The following USH2A variants were observed in gnomAD, a reference collection of about 807,000 sequenced individuals.
The protein encoded by USH2A is Usher syndrome 2A (autosomal recessive, mild).
Under a neutral mutation model 538.9 loss-of-function variants are expected in USH2A, and 443 were observed. The ratio of observed to expected loss-of-function variants is 0.82; its 90% CI spans 0.76 to 0.89. The LOEUF (loss-of-function observed/expected upper bound fraction) is 0.89, where lower values mean the gene tolerates loss of function less well. USH2A is among the 40% of genes least tolerant of loss of function. The pLI, the probability that USH2A is intolerant of heterozygous loss-of-function variation, is 0.00. For missense variants in USH2A, 6,633 were observed against 6,324.8 expected (o/e 1.05, Z -1.65); for synonymous variants, 2,413 against 2,273.5 (o/e 1.06, Z -1.75).
intron 4 of USH2A, among the ~76,000 whole-genome samples, chr1:216,337,501 A>G (rs1233848596): frequency 6.6e-6 from 1 of 151,454 alleles, no homozygotes; most frequent in Non-Finnish European, 1.5e-5. Context: ...TACATAATAT[A>G]CAAGTAGAAA....
At chr1:216,131,553 T>C (rs1010710306) in intron 21 of USH2A, among the ~76,000 whole-genome samples, 2 of 152,082 alleles carry the variant, frequency 1.3e-5, no homozygotes, top group African/African-American at 4.8e-5. Flanking sequence ...CTATATTCTT[T>C]CTGAAGTCAT....
intron 21 of USH2A, among the ~76,000 whole-genome samples, chr1:216,168,891 A>C (rs970088947): frequency 2.6e-5 from 4 of 151,996 alleles, no homozygotes; most frequent in Non-Finnish European, 4.4e-5. Context: ...TGTCCGACCC[A>C]ACCAATCAGC....
intron 71 of USH2A, among the ~76,000 whole-genome samples, chr1:215,627,794 CT>C (rs1457526347): frequency 1.3e-5 from 2 of 152,168 alleles, no homozygotes; most frequent in Non-Finnish European, 2.9e-5. Flanking sequence ...TCCCAAAATG[CT>C]GGGATTACAG....
At chr1:216,285,475 G>A (rs2036863608) in intron 11 of USH2A, among the ~76,000 whole-genome samples, 1 of 152,222 alleles carries the variant, frequency 6.6e-6, no homozygotes, top group African/African-American at 2.4e-5. Flanking sequence ...GGCAGAGGAT[G>A]TGCTGCAGGG....
chr1:216,188,936 T>G (rs1483790688), intron 20 of USH2A, among the ~76,000 whole-genome samples: 5 of 151,896 alleles, frequency 3.3e-5, no homozygotes, highest in Non-Finnish European at 5.9e-5. Flanking sequence ...TATTTTAATT[T>G]TTGTCTTCTA....
intron 37 of USH2A, among the ~76,000 whole-genome samples, chr1:215,946,857 C>G (rs879733788): frequency 3.9e-5 from 6 of 152,124 alleles, no homozygotes; most frequent in Admixed American, 3.9e-4. Context: ...CAACTGAAAA[C>G]TTATGACATC....
At chr1:216,065,880 GA>G (rs1238529001) in intron 30 of USH2A, among the ~76,000 whole-genome samples, 5 of 152,040 alleles carry the variant, frequency 3.3e-5, no homozygotes, top group African/African-American at 1.2e-4. Flanking sequence ...CTGGGTGACA[GA>G]GTGAGACCCT....
At chr1:215,902,165 G>A (rs549702348) in intron 38 of USH2A, among the ~76,000 whole-genome samples, 9 of 152,234 alleles carry the variant, frequency 5.9e-5, no homozygotes, top group African/African-American at 2.2e-4. Flanking sequence ...GAGGCCATTG[G>A]TGAAGAAGGA....
intron 13 of USH2A, among the ~76,000 whole-genome samples, chr1:216,235,865 A>T (rs1194890122): frequency 6.6e-6 from 1 of 152,204 alleles, no homozygotes; most frequent in South Asian, 2.1e-4. Flanking sequence ...TGGACATAAT[A>T]GTTACACAAG....
chr1:215,828,740 C>A (rs1240587082), intron 47 of USH2A, among the ~76,000 whole-genome samples: 1 of 152,166 alleles, frequency 6.6e-6, no homozygotes, highest in Non-Finnish European at 1.5e-5. Flanking sequence ...GATCTGAGTT[C>A]TTTCTCTACT....
chr1:215,691,111 T>C (rs900491119), intron 61 of USH2A, among the ~76,000 whole-genome samples: 1 of 152,170 alleles, frequency 6.6e-6, no homozygotes, highest in African/African-American at 2.4e-5. Context: ...CTCGAACTCC[T>C]GACCTTGTGA....
chr1:216,015,858 A>G (rs1320797015), intron 32 of USH2A, among the ~76,000 whole-genome samples: 1 of 152,176 alleles, frequency 6.6e-6, no homozygotes, highest in Non-Finnish European at 1.5e-5. Flanking sequence ...TACCCAAAGG[A>G]TTATAAATCA....
chr1:215,640,661 G>T lies in USH2A; in HGVS notation c.14865C>A (p.Phe4955Leu). The T allele has an allele frequency of 6.2e-7, 1 of 1,613,970 alleles. No individual in the cohort carries two copies. Among genetic ancestry groups the T allele is most frequent in the Non-Finnish European group, 8.5e-7 (1 of 1,179,994 alleles). Residue 4955 changes from phenylalanine (F) to leucine (L), a missense_variant, in exon 68 of 72, where the codon TTC becomes TTA. By Grantham distance (22) the Phe-to-Leu change is conservative. Transcript: ENST00000307340. Reference sequence around the variant, plus strand: ...ACTCCTTCAGTTGGCCGTTCAGGAGGAAGGTGTCACTCCAGTTCACACACA... The same window carrying T: ...ACTCCTTCAGTTGGCCGTTCAGGAGTAAGGTGTCACTCCAGTTCACACACA... ...SVVCVNWSDT[F>L]LLNGQLKEYV... is the part of the protein sequence containing the mutation.
intron 64 of USH2A, among the ~76,000 whole-genome samples, chr1:215,657,189 C>T (rs1340959989): frequency 6.6e-6 from 1 of 152,138 alleles, no homozygotes; most frequent in East Asian, 1.9e-4. Context: ...GAAATTATGC[C>T]TCATAAATAA....
intron 20 of USH2A, among the ~76,000 whole-genome samples, chr1:216,177,363 CA>C (rs896598632): frequency 3.1e-4 from 47 of 152,174 alleles, no homozygotes; most frequent in African/African-American, 8.9e-4. Context: ...CTTCTTTGGT[CA>C]AAAAAGCTCC....
At chr1:216,001,233 A>G (rs763505925) in intron 32 of USH2A, among the ~76,000 whole-genome samples, 1 of 152,184 alleles carries the variant, frequency 6.6e-6, no homozygotes. Context: ...AGGAATGGTA[A>G]TATATTCATT....
At chr1:216,153,457 A>G (rs2033879127) in intron 21 of USH2A, among the ~76,000 whole-genome samples, 1 of 152,194 alleles carries the variant, frequency 6.6e-6, no homozygotes, top group African/African-American at 2.4e-5. Context: ...ATCCTGCAAC[A>G]GGGTGTCAGG....
chr1:216,075,309 T>C (rs2031708614), intron 27 of USH2A, among the ~76,000 whole-genome samples: 1 of 152,138 alleles, frequency 6.6e-6, no homozygotes. Flanking sequence ...GTTAAGGTTG[T>C]CCCGTGCTTT....
intron 40 of USH2A, among the ~76,000 whole-genome samples, chr1:215,895,214 A>T (rs1268472879): frequency 2.6e-5 from 4 of 152,154 alleles, no homozygotes; most frequent in African/African-American, 9.7e-5. Flanking sequence ...ATTTACTTCA[A>T]TCAAACTCTG....
Sources: allele counts gnomAD v4.1 joint callset (sites outside exome capture counted in the v4.1 genomes callset), GRCh38; gene constraint gnomAD v4.1.1; transcripts MANE v1.5; gene names NCBI Gene and HGNC (gene_info 2026-07-23, HGNC 2026-07-21).